Variants in CDKL5 observed in about 807,000 individuals in gnomAD.
CDKL5 encodes cyclin-dependent kinase-like 5.
In CDKL5, 8 loss-of-function variants were observed where a neutral mutation model predicts 61.7. That is an observed-to-expected ratio of 0.13 (90% confidence interval 0.08 to 0.23). The LOEUF (loss-of-function observed/expected upper bound fraction) is 0.23. Among genes scored for constraint, CDKL5 ranks in the 10% least tolerant of loss-of-function variants. CDKL5 has a pLI of 1.00. For synonymous variants in CDKL5, 275 were observed against 272.3 expected (o/e 1.01, Z -0.10); for missense variants, 440 against 734.5 (o/e 0.60, Z 4.63).
At chrX:18,556,832 G>A (rs761321422) in intron 3 of CDKL5, among the ~76,000 whole-genome samples, 1 of 87,577 alleles carries the variant, frequency 1.1e-5, no homozygotes, top group East Asian at 3.5e-4. Flanking sequence ...GAAGTGAGCC[G>A]AGACCACGCC....
At chrX:18,480,159 T>A (rs939650113) in intron 1 of CDKL5, among the ~76,000 whole-genome samples, 2 of 111,883 alleles carry the variant, frequency 1.8e-5, no homozygotes, top group Non-Finnish European at 3.8e-5. Flanking sequence ...GGATATCACA[T>A]TACATTTAGT....
chrX:18,520,320 A>T (rs769171109), intron 3 of CDKL5, among the ~76,000 whole-genome samples: 1 of 112,300 alleles, frequency 8.9e-6, no homozygotes, highest in South Asian at 3.6e-4. Context: ...ATATAAATGG[A>T]ATCATACAAA....
chrX:18,491,731 A>G (rs1569194765), intron 1 of CDKL5, among the ~76,000 whole-genome samples: 1 of 111,773 alleles, frequency 8.9e-6, no homozygotes, highest in Non-Finnish European at 1.9e-5. Flanking sequence ...AAGATACGTG[A>G]TATTTAATTA....
In CDKL5 at chrX:18,604,654, T is replaced by C. The variant is rs749822712; in HGVS notation, c.1730T>C (p.Met577Thr). The C allele has an allele frequency of 1.9e-5, 23 of 1,211,892 alleles. No individual in the cohort carries two copies. The highest frequency in any genetic ancestry group is 2.6e-5 in the Non-Finnish European group (23 of 895,231). ...GAGGAATTGAAGCTGCCGGAGCACA[T>C]GGACAGTAGCCATTCCCATTCACTG... ...TMEELKLPEHMDSSHSHSLSA... is the reference protein window; with the variant it reads ...TMEELKLPEHTDSSHSHSLSA... Residue 577 changes from methionine to threonine, a missense_variant, in exon 12 of 18, where the codon ATG becomes ACG. Physicochemically the swap from Met to Thr is moderately conservative, Grantham distance 81. Transcript: ENST00000623535.
At chrX:18,441,664 G>C (rs1429161960) in intron 1 of CDKL5, among the ~76,000 whole-genome samples, 1 of 111,168 alleles carries the variant, frequency 9.0e-6, no homozygotes, top group Non-Finnish European at 1.9e-5. Context: ...GTGTACCCCA[G>C]TTTTCAAATT....
chrX:18,589,697 T>C (rs1925765529), intron 9 of CDKL5: 2 of 111,787 alleles, frequency 1.8e-5, no homozygotes, highest in Non-Finnish European at 3.8e-5. Flanking sequence ...TTCTAGATCC[T>C]TGAGGAATCA....
intron 17 of CDKL5, among the ~76,000 whole-genome samples, chrX:18,626,192 CA>C (rs773095222): frequency 1.1e-4 from 12 of 109,607 alleles, no homozygotes; most frequent in African/African-American, 4.0e-4. Flanking sequence ...CTCAGCCTCC[CA>C]AGTAGCTGTG....
At chrX:18,601,686 C>T (rs1474450208) in intron 11 of CDKL5, among the ~76,000 whole-genome samples, 4 of 112,168 alleles carry the variant, frequency 3.6e-5, no homozygotes, top group Non-Finnish European at 7.5e-5. Context: ...AGCTTTGACA[C>T]GTTTTACCTT....
At chrX:18,427,995 G>T (rs1003308373) in intron 1 of CDKL5, among the ~76,000 whole-genome samples, 6 of 111,791 alleles carry the variant, frequency 5.4e-5, no homozygotes, top group Non-Finnish European at 7.5e-5. Flanking sequence ...GGGCCGTCTC[G>T]CATAGATGGG....
At chrX:18,487,068 G>A (rs937783480) in intron 1 of CDKL5, among the ~76,000 whole-genome samples, 12 of 111,837 alleles carry the variant, frequency 1.1e-4, no homozygotes, top group African/African-American at 3.9e-4. Context: ...AAGAATTGTG[G>A]TTAGGCTAAA....
intron 14 of CDKL5, among the ~76,000 whole-genome samples, chrX:18,611,933 A>G (rs543460537): frequency 4.5e-5 from 5 of 111,725 alleles, no homozygotes; most frequent in Admixed American, 1.9e-4. Context: ...TTTCATTCCT[A>G]TTGGTCAAGA....
intron 3 of CDKL5, among the ~76,000 whole-genome samples, chrX:18,551,460 T>G (rs1230160274): frequency 1.8e-5 from 2 of 108,927 alleles, no homozygotes; most frequent in Non-Finnish European, 3.8e-5. Context: ...AATTAAGTGG[T>G]CCAAGGCTTT....
intron 3 of CDKL5, among the ~76,000 whole-genome samples, chrX:18,562,405 A>G (rs758988210): frequency 1.8e-5 from 2 of 112,254 alleles, no homozygotes; most frequent in African/African-American, 3.2e-5. Flanking sequence ...TTTAAAAATA[A>G]CAGCTTGAAA....
At chrX:18,513,011 A>G (rs190226923) in intron 3 of CDKL5, among the ~76,000 whole-genome samples, 96 of 111,499 alleles carry the variant, frequency 8.6e-4, no homozygotes, top group African/African-American at 3.0e-3. Context: ...AGATATGTAC[A>G]TATCTTACAT....
At chrX:18,492,317 T>C (rs1365009186) in intron 1 of CDKL5, among the ~76,000 whole-genome samples, 1 of 111,768 alleles carries the variant, frequency 8.9e-6, no homozygotes, top group Non-Finnish European at 1.9e-5. Context: ...ATTTTAAAAA[T>C]TGGGTTTCCG....
At chrX:18,558,153 G>T (rs183120684) in intron 3 of CDKL5, among the ~76,000 whole-genome samples, 6 of 110,985 alleles carry the variant, frequency 5.4e-5, no homozygotes, top group Non-Finnish European at 9.4e-5. Flanking sequence ...AGAATTAAGG[G>T]TGAGGCATGG....
At chrX:18,644,281 G>C, downstream of CDKL5, 1 of 566,876 alleles carries the variant, frequency 1.8e-6, no homozygotes, top group Non-Finnish European at 3.1e-6. Context: ...CCAGGAAAGA[G>C]AGCACAGCAC....
chrX:18,506,092 G>C (rs963792905), intron 1 of CDKL5, among the ~76,000 whole-genome samples: 1 of 112,594 alleles, frequency 8.9e-6, no homozygotes, highest in African/African-American at 3.2e-5. Context: ...TTACTTTGTT[G>C]CTCAAATATT....
At chrX:18,551,772 G>T (rs749408031) in intron 3 of CDKL5, among the ~76,000 whole-genome samples, 1 of 106,971 alleles carries the variant, frequency 9.3e-6, no homozygotes, top group East Asian at 2.9e-4. Context: ...GTGTGTGTGT[G>T]TGCAGAGACA....
Sources: allele counts gnomAD v4.1 joint callset (sites outside exome capture counted in the v4.1 genomes callset), GRCh38; gene constraint gnomAD v4.1.1; transcripts MANE v1.5; gene names NCBI Gene and HGNC (gene_info 2026-07-23, HGNC 2026-07-21).